The following PDE4DIP variants were observed in gnomAD, a reference collection of about 807,000 sequenced individuals.
PDE4DIP encodes myomegalin.
A neutral mutation model predicts 221.4 loss-of-function variants in PDE4DIP; 59 were observed. The ratio of observed to expected loss-of-function variants is 0.27; its 90% CI spans 0.22 to 0.33. The LOEUF is 0.33. PDE4DIP is among the 10% of genes least tolerant of loss of function. The probability of loss-of-function intolerance (pLI) is 1.00; values close to 1 mark genes in which losing one functional copy is unlikely to be tolerated. For synonymous variants in PDE4DIP, 404 were observed against 815.9 expected (o/e 0.50, Z 8.60); for missense variants, 1,036 against 2,154.2 (o/e 0.48, Z 10.28).
chr1:148,820,555 CAAAAA>C (rs148261220), intron 1 of PDE4DIP, among the ~76,000 whole-genome samples: 4 of 39,372 alleles, frequency 1.0e-4, no homozygotes, highest in South Asian at 3.5e-3. Context: ...AACTCCATCT[CAAAAA>C]AAAAAAAAAA....
chr1:148,962,251 G>C (rs782617784), exon 8 of PDE4DIP: 1 of 1,389,550 alleles, frequency 7.2e-7, no homozygotes, highest in East Asian at 2.3e-5. Context: ...GCAAAGCTTC[G>C]AGAAATGCTG....
chr1:148,919,279 G>A (rs1387184306), intron 1 of PDE4DIP, among the ~76,000 whole-genome samples: 2 of 151,442 alleles, frequency 1.3e-5, no homozygotes, highest in Non-Finnish European at 2.9e-5. Flanking sequence ...ATTCTTATGG[G>A]CAAGAAGGAG....
intron 17 of PDE4DIP, among the ~76,000 whole-genome samples, chr1:148,975,651 C>T (rs1428683940): frequency 2.0e-5 from 3 of 152,132 alleles, no homozygotes; most frequent in Admixed American, 6.6e-5. Context: ...TTCCCTTCCC[C>T]CTGCCTTTCC....
chr1:149,006,164 C>T (rs2066980583), intron 27 of PDE4DIP: 2 of 151,744 alleles, frequency 1.3e-5, no homozygotes, highest in Non-Finnish European at 2.9e-5. Flanking sequence ...AATACAAGTG[C>T]TTAGAATAGT....
At chr1:149,006,005 C>T (rs1235730252) in intron 27 of PDE4DIP, among the ~76,000 whole-genome samples, 1 of 152,188 alleles carries the variant, frequency 6.6e-6, no homozygotes, top group Admixed American at 6.5e-5. Flanking sequence ...TGGTGGTGCA[C>T]ACCTGTAATC....
At position 148,838,693 on chromosome 1, in the gene PDE4DIP, A is replaced by C. The variant is rs1272097525; in HGVS notation, c.234-24557A>C. Among the ~76,000 whole-genome samples, 6 of 127,314 alleles carry C rather than the reference A, an allele frequency of 4.7e-5. 2 individuals are homozygous for C. The highest frequency in any genetic ancestry group is 1.1e-4 in the Non-Finnish European group (6 of 56,784). 83.5% of individuals were successfully genotyped at this position (127,314 alleles called of 152,430 possible). Reference sequence around the variant, plus strand: ...TTTTTTTAATCAATATCTTATAATAATGTGGCTAAAAGAAACCTCTTTGTA... The same window carrying C: ...TTTTTTTAATCAATATCTTATAATACTGTGGCTAAAAGAAACCTCTTTGTA... On this transcript the variant is annotated intron_variant, in intron 1 of 45. Transcript: ENST00000524974.
chr1:148,952,035 G>A (rs1553489416), intron 5 of PDE4DIP: 9 of 1,008,506 alleles, frequency 8.9e-6, no homozygotes, highest in Non-Finnish European at 1.1e-5. Flanking sequence ...CTGGCAGCCG[G>A]AGGACGTGGC....
intron 21 of PDE4DIP, among the ~76,000 whole-genome samples, chr1:148,987,390 T>TCCATAACATTACAGCA (rs1553551061): frequency 1.3e-5 from 2 of 152,186 alleles, no homozygotes. Flanking sequence ...CTTGATTCTC[T>TCCATAACATTACAGCA]CCATAACATT....
chr1:149,031,823 T>C, intron 43 of PDE4DIP, 121 bp from the exon 47 acceptor site: 1 of 881,336 alleles, frequency 1.1e-6, no homozygotes, highest in Non-Finnish European at 1.8e-6. Flanking sequence ...CTCATCCTCT[T>C]AACTGGCTCT....
chr1:148,987,429 A>G (rs1490417438), intron 21 of PDE4DIP, among the ~76,000 whole-genome samples: 4 of 152,128 alleles, frequency 2.6e-5, no homozygotes, highest in African/African-American at 9.7e-5. Flanking sequence ...AGTCAGCAAT[A>G]GTTGGTTCAT....
In PDE4DIP at chr1:149,010,614, G is replaced by A. The variant is rs782561153; in HGVS notation, c.5080+19G>A. 8.1e-6 allele frequency: 13 copies of A among 1,611,596 alleles called. No homozygotes were observed. The highest frequency in any genetic ancestry group is 5.0e-5 in the Admixed American group (3 of 59,580). ...CATTCAGGTATGCAACAGCCAATGG[G>A]GCAGAAGCTTCATCTCCTCTTTCTC... On this transcript the variant is annotated intron_variant, in intron 31 of 43. Coordinates refer to ENST00000369354, the Ensembl canonical transcript of PDE4DIP.
At chr1:148,963,748 C>CTTTTTTTTT (rs66921099) in intron 9 of PDE4DIP, among the ~76,000 whole-genome samples, 23 of 89,156 alleles carry the variant, frequency 2.6e-4, no homozygotes, top group East Asian at 1.3e-3. Context: ...TTCTTTCCTT[C>CTTTTTTTTT]TTTTTTTTTT....
rs1553623762 is a variant in PDE4DIP at position 149,024,056 on chromosome 1, G to C, written c.6086-389G>C. On this transcript the variant is annotated intron_variant, in intron 37 of 43. Coordinates refer to ENST00000369354, the Ensembl canonical transcript of PDE4DIP. ...GACCTCCTCCTTCTCTTTCATTTTT[G>C]AGAGTGAGGACTATGAAATCTCTTT... 2.0e-5 allele frequency among the ~76,000 whole-genome samples: 3 copies of C among 151,186 alleles called. No homozygotes were observed. In the South Asian group the frequency reaches 6.3e-4, roughly 32 times the overall value.
At chr1:149,029,895 G>C (rs2076215271) in exon 42 of PDE4DIP, 5 of 1,576,950 alleles carry the variant, frequency 3.2e-6, no homozygotes, top group Non-Finnish European at 4.3e-6. Context: ...CCAGCAGAAG[G>C]AGAGCATGGA....
chr1:149,030,606 G>A lies in PDE4DIP; in HGVS notation c.6999+328G>A, dbSNP rs148921274. ...TGACTCTTGAAGTCATTAGACATTC[G>A]GGAGTCTGCCTCTGAATGAGCTTCT... On this transcript the variant is annotated intron_variant, in intron 43 of 43. Transcript: ENST00000369354. 3.0e-5 allele frequency: 25 copies of A among 841,120 alleles called. No individual in the cohort carries two copies. The East Asian group carries it at 5.0e-4, about 17-fold the overall frequency. The allele number at this position is 841,120 out of a possible 1,614,324, so 52.1% of individuals were successfully genotyped here.
intron 23 of PDE4DIP, 82 bp downstream of exon 26, chr1:148,998,457 A>G (rs1447193941): frequency 9.6e-6 from 6 of 625,564 alleles, no homozygotes; most frequent in African/African-American, 3.6e-5. Flanking sequence ...GGCTCCATGC[A>G]TTAATATTTC....
intron 5 of PDE4DIP, among the ~76,000 whole-genome samples, chr1:148,951,445 A>C (rs2053205921): frequency 6.6e-6 from 1 of 151,966 alleles, no homozygotes; most frequent in South Asian, 2.1e-4. Flanking sequence ...ATCACTGTAC[A>C]ATGCTGAGTA....
chr1:148,982,853 C>T (rs1483055517), intron 21 of PDE4DIP: 4 of 151,808 alleles, frequency 2.6e-5, no homozygotes, highest in East Asian at 1.9e-4. Flanking sequence ...GCTTGTATTA[C>T]ATTCTAAATT....
At chr1:148,984,442 C>G (rs1480043251) in intron 21 of PDE4DIP, 2 of 152,070 alleles carry the variant, frequency 1.3e-5, no homozygotes, top group Non-Finnish European at 2.9e-5. Flanking sequence ...AGTTCCTCAT[C>G]ATAAGAATTA....
Sources: gnomAD v4.1 joint callset for allele counts (sites outside exome capture counted in the v4.1 genomes callset) on GRCh38, gnomAD v4.1.1 for gene constraint, MANE v1.5 for transcripts, NCBI Gene and HGNC (gene_info 2026-07-23, HGNC 2026-07-21) for gene names.